ENTPD7: variants seen among roughly 807,000 people sequenced by gnomAD.
The protein encoded by ENTPD7 is NTPDase 7.
A neutral mutation model predicts 77.9 loss-of-function variants in ENTPD7; 53 were observed. The observed-to-expected ratio is 0.68, with a 90% CI of 0.55 to 0.85. The LOEUF is 0.85. ENTPD7 is among the 40% of genes least tolerant of loss of function. ENTPD7 has a pLI of 0.00. For synonymous variants in ENTPD7, 248 were observed against 274.9 expected (o/e 0.90, Z 0.97); for missense variants, 636 against 743.7 (o/e 0.86, Z 1.68).
At position 99,709,905 on chromosome 10, in the gene ENTPD7, G is replaced by A. The variant is rs1279540880; in HGVS notation, c.*5222G>A. The A allele has an allele frequency of 8.1e-6, 8 of 985,274 alleles. No individual in the cohort carries two copies. Among genetic ancestry groups the A allele is most frequent in the African/African-American group, 7.0e-5 (4 of 57,242 alleles). 61.0% of individuals were successfully genotyped at this position (985,274 alleles called of 1,614,324 possible). ...GTTTCTCTGAAAATCTGAGCAATAC[G>A]GAGATCCTTTTATTAGTAAAACTGA... On this transcript the variant is annotated 3_prime_UTR_variant, in exon 13 of 13. Coordinates refer to ENST00000370489, the MANE Select transcript of ENTPD7 (RefSeq NM_020354.5).
In ENTPD7 at chr10:99,678,482, GA is replaced by G. The variant is rs930878059; in HGVS notation, c.192-770del. 1.5e-3 allele frequency among the ~76,000 whole-genome samples: 220 copies of G among 141,952 alleles called. 1 individual carries two copies. Among genetic ancestry groups the G allele is most frequent in the African/African-American group, 5.4e-3 (209 of 38,380 alleles). 93.1% of individuals were successfully genotyped at this position (141,952 alleles called of 152,430 possible). On this transcript the variant is annotated intron_variant, in intron 3 of 12. Transcript: ENST00000370489. ...GACTCCATCTCAAAAAAAGAAAAAA[GA>G]AAAAAAAAGATATATGTATATATAT...
rs750792416 is a variant in ENTPD7, at chr10:99,708,181, A to C, written c.*3498A>C. On this transcript the variant is annotated 3_prime_UTR_variant, in exon 13 of 13. Transcript: ENST00000370489. ...CCTGCCCCACCCCCTCCTCATCCTA[A>C]GAGATTCCTTTAACTTCAAGATCAT... is the stretch of plus-strand genomic sequence containing the variant. 6.6e-6 allele frequency among the ~76,000 whole-genome samples: 1 copy of C among 152,100 alleles called. No homozygotes were observed. The highest frequency in any genetic ancestry group is 1.5e-5 in the Non-Finnish European group (1 of 68,016).
In ENTPD7 at chr10:99,679,849, A is replaced by G. The variant is rs1231844340; in HGVS notation, c.522A>G (p.Thr174=). ...AGACCCCTCTTTACATCCTCTGCACAGCAGGCATGAGGCTTCTCCCTGAGA... is the reference window on the plus strand; with the variant it reads ...AGACCCCTCTTTACATCCTCTGCACGGCAGGCATGAGGCTTCTCCCTGAGA... ...HKETPLYILC[T]AGMRLLPERK... The change falls in exon 5 of 13, where the codon ACA becomes ACG. Residue 174 remains threonine (T), a synonymous_variant. Transcript: ENST00000370489. The G allele has an allele frequency of 1.2e-6, 2 of 1,613,458 alleles. No homozygotes were observed. Among genetic ancestry groups the G allele is most frequent in the Non-Finnish European group, 1.7e-6 (2 of 1,179,818 alleles).
chr10:99,671,171 A>G (rs1396557876), intron 3 of ENTPD7, among the ~76,000 whole-genome samples: 1 of 151,978 alleles, frequency 6.6e-6, no homozygotes, highest in African/African-American at 2.4e-5. Flanking sequence ...AACACTGTAC[A>G]TTTAGGCTAC....
At chr10:99,699,748 T>C (rs1394453337) in intron 10 of ENTPD7, among the ~76,000 whole-genome samples, 4 of 152,084 alleles carry the variant, frequency 2.6e-5, no homozygotes, top group African/African-American at 9.7e-5. Context: ...TTATTTTTAA[T>C]AGAGATGGGG....
At chr10:99,698,498 T>G in intron 9 of ENTPD7, 36 bp from the exon 10 acceptor site, 1 of 1,528,506 alleles carries the variant, frequency 6.5e-7, no homozygotes, top group Non-Finnish European at 8.9e-7. Flanking sequence ...AGGCATGACG[T>G]GTTTGTTTGT....
At position 99,709,373 on chromosome 10, in the gene ENTPD7, T is replaced by C; in HGVS notation, c.*4690T>C. 1.0e-6 allele frequency: 1 copy of C among 985,400 alleles called. No homozygotes were observed. The highest frequency in any genetic ancestry group is 1.2e-6 in the Non-Finnish European group (1 of 829,908). The allele number at this position is 985,400 out of a possible 1,614,324, so 61.0% of individuals were successfully genotyped here. A position where few individuals can be genotyped will look rare whatever the true frequency, so the allele number is the denominator to read the frequency against. Reference sequence around the variant, plus strand: ...TAAGAATTATGGTAGAAATAGCAGATGTTTCAAATTCTCCCATATTAGTCT... The same window carrying C: ...TAAGAATTATGGTAGAAATAGCAGACGTTTCAAATTCTCCCATATTAGTCT... On this transcript the variant is annotated 3_prime_UTR_variant, in exon 13 of 13. Transcript: ENST00000370489.
chr10:99,660,387 AATAACC>A, intron 2 of ENTPD7: 1 of 1,167,626 alleles, frequency 8.6e-7, no homozygotes, highest in Non-Finnish European at 1.1e-6. Context: ...CATACATTAT[AATAACC>A]TGAAGCTTTT....
intron 12 of ENTPD7, among the ~76,000 whole-genome samples, chr10:99,704,062 A>T (rs2036197778): frequency 6.6e-6 from 1 of 151,910 alleles, no homozygotes; most frequent in Admixed American, 6.6e-5. Context: ...AGACACACAC[A>T]CTCTGATTTC....
chr10:99,711,051 C>T lies in ENTPD7; in HGVS notation c.*6368C>T. On this transcript the variant is annotated 3_prime_UTR_variant, in exon 13 of 13. Transcript: ENST00000370489. ...TATCCATTTTCCATTCATGCATTCA[C>T]TAATTCAATATTTGATATGTGTCTG... The T allele has an allele frequency of 1.0e-6, 1 of 985,002 alleles. No homozygotes were observed. Among genetic ancestry groups the T allele is most frequent in the Non-Finnish European group, 1.2e-6 (1 of 829,820 alleles). The allele number at this position is 985,002 out of a possible 1,614,324, so 61.0% of individuals were successfully genotyped here.
intron 6 of ENTPD7, among the ~76,000 whole-genome samples, chr10:99,687,275 T>C (rs2035827356): frequency 8.8e-6 from 1 of 113,952 alleles, no homozygotes; most frequent in African/African-American, 3.4e-5. Flanking sequence ...TTTTTTTTTT[T>C]TTTTTTTTTG....
At chr10:99,688,899 T>G (rs2035846013) in intron 7 of ENTPD7, 149 bp downstream of exon 7, 3 of 739,148 alleles carry the variant, frequency 4.1e-6, no homozygotes, top group Non-Finnish European at 6.8e-6. Context: ...TTGCTTTCTT[T>G]GATTTCTTTT....
At chr10:99,661,754 A>G (rs1234051730) in intron 3 of ENTPD7, 126 bp downstream of exon 3, 1 of 864,410 alleles carries the variant, frequency 1.2e-6, no homozygotes, top group Non-Finnish European at 1.7e-6. Context: ...GCCATTTATT[A>G]CATAAAGAAG....
intron 10 of ENTPD7, among the ~76,000 whole-genome samples, chr10:99,699,396 C>A (rs1271503973): frequency 6.6e-6 from 1 of 152,166 alleles, no homozygotes; most frequent in African/African-American, 2.4e-5. Flanking sequence ...AAAATTCACT[C>A]TGAGCATATA....
rs996414334 is a variant in ENTPD7, at chr10:99,708,788, G to A, written c.*4105G>A. ...GATAAAACTGAGGCCTAGAGCAGTT[G>A]TAATATGTGCAAAGTCATAGTGACT... On this transcript the variant is annotated 3_prime_UTR_variant, in exon 13 of 13. Transcript: ENST00000370489. 1.0e-6 allele frequency: 1 copy of A among 981,330 alleles called. No homozygotes were observed. Among genetic ancestry groups the A allele is most frequent in the African/African-American group, 1.7e-5 (1 of 57,150 alleles). The allele number at this position is 981,330 out of a possible 1,614,324, so 60.8% of individuals were successfully genotyped here. A position where few individuals can be genotyped will look rare whatever the true frequency, so the allele number is the denominator to read the frequency against.
intron 5 of ENTPD7, among the ~76,000 whole-genome samples, chr10:99,682,157 T>G (rs1187352565): frequency 6.6e-6 from 1 of 152,060 alleles, no homozygotes; most frequent in South Asian, 2.1e-4. Context: ...AGGCATCAGG[T>G]ATTTCCTTAT....
intron 6 of ENTPD7, among the ~76,000 whole-genome samples, chr10:99,688,297 A>G (rs1257063168): frequency 6.6e-6 from 1 of 152,118 alleles, no homozygotes; most frequent in Admixed American, 6.5e-5. Flanking sequence ...GCTCATTATC[A>G]TTTACTTTCA....
intron 3 of ENTPD7, among the ~76,000 whole-genome samples, chr10:99,668,842 A>G (rs1005920070): frequency 1.2e-4 from 18 of 152,048 alleles, no homozygotes; most frequent in African/African-American, 4.1e-4. Flanking sequence ...ATATTCATAT[A>G]TAGACATATT....
intron 2 of ENTPD7, 68 bp downstream of exon 2, chr10:99,660,032 G>A: frequency 6.2e-7 from 1 of 1,611,642 alleles, no homozygotes; most frequent in Non-Finnish European, 8.5e-7. Flanking sequence ...GGGGGGCCCT[G>A]GGAGGCTGTC....
Sources: gnomAD v4.1 joint callset for allele counts (sites outside exome capture counted in the v4.1 genomes callset) on GRCh38, gnomAD v4.1.1 for gene constraint, MANE v1.5 for transcripts, NCBI Gene and HGNC (gene_info 2026-07-23, HGNC 2026-07-21) for gene names.